Variants in ZNF560 observed in about 807,000 individuals in gnomAD.
ZNF560 encodes zinc finger protein 560.
Under a neutral mutation model 81.8 loss-of-function variants are expected in ZNF560, and 54 were observed. The observed-to-expected ratio is 0.66, with a 90% CI of 0.53 to 0.83. The LOEUF (loss-of-function observed/expected upper bound fraction) is 0.83, where lower values mean the gene tolerates loss of function less well. ZNF560 is among the 40% of genes least tolerant of loss of function. The pLI is 0.00. For synonymous variants in ZNF560, 321 were observed against 317.9 expected, an observed-to-expected ratio of 1.01 and a Z score of -0.10; for missense variants, 940 against 932.4, an observed-to-expected ratio of 1.01 and a Z score of -0.11.
intron 2 of ZNF560, among the ~76,000 whole-genome samples, chr19:9,477,554 G>A (rs1346418951): frequency 6.6e-6 from 1 of 152,190 alleles, no homozygotes; most frequent in Non-Finnish European, 1.5e-5. Flanking sequence ...AGGGTTCCAA[G>A]TAGAACACTG....
intron 2 of ZNF560, among the ~76,000 whole-genome samples, chr19:9,483,522 C>T (rs1326622090): frequency 2.7e-5 from 4 of 149,554 alleles, no homozygotes; most frequent in Non-Finnish European, 4.5e-5. Flanking sequence ...GCCGCCCCGT[C>T]CGGGAGGGGG....
chr19:9,448,541 C>T, the ZNF560 span, among the ~76,000 whole-genome samples: 11 of 151,604 alleles, frequency 7.3e-5, no homozygotes, highest in Admixed American at 1.3e-4. Context: ...GGCCCCTTAA[C>T]GGAGTTCTAA....
At chr19:9,459,773 C>G in the ZNF560 span, among the ~76,000 whole-genome samples, 1 of 152,070 alleles carries the variant, frequency 6.6e-6, no homozygotes, top group African/African-American at 2.4e-5. Flanking sequence ...AGAATAGGTT[C>G]TTCTAACTCA....
chr19:9,492,245 C>T (rs921108520), intron 2 of ZNF560, among the ~76,000 whole-genome samples: 2 of 152,084 alleles, frequency 1.3e-5, no homozygotes, highest in African/African-American at 4.8e-5. Flanking sequence ...GCATTAATTT[C>T]TAGAGTAACC....
downstream of ZNF560, among the ~76,000 whole-genome samples, chr19:9,464,387 T>C (rs2144678923): frequency 6.6e-6 from 1 of 152,346 alleles, no homozygotes; most frequent in Non-Finnish European, 1.5e-5. Context: ...CCACCACCTC[T>C]CTGCACTGCC....
chr19:9,453,483 G>T, the ZNF560 span, among the ~76,000 whole-genome samples: 1 of 152,162 alleles, frequency 6.6e-6, no homozygotes, highest in Non-Finnish European at 1.5e-5. Context: ...TATCAGGAAT[G>T]AAAAGGGGTA....
the ZNF560 span, among the ~76,000 whole-genome samples, chr19:9,446,311 G>A: frequency 6.7e-6 from 1 of 150,320 alleles, no homozygotes; most frequent in Non-Finnish European, 1.5e-5. Context: ...GGACAGACAG[G>A]ATAACTGCAT....
At chr19:9,468,388 G>T (rs2073068355) in intron 9 of ZNF560, 54 bp from the exon 10 acceptor site, 1 of 1,277,936 alleles carries the variant, frequency 7.8e-7, no homozygotes, top group Admixed American at 2.4e-5. Context: ...CTTATTAATA[G>T]ATACCACTCT....
At chr19:9,495,032 TG>T (rs1369946916) in intron 2 of ZNF560, among the ~76,000 whole-genome samples, 1 of 152,202 alleles carries the variant, frequency 6.6e-6, no homozygotes, top group African/African-American at 2.4e-5. Context: ...AAATGAATTT[TG>T]CCTATTGACT....
At chr19:9,450,164 G>A in the ZNF560 span, among the ~76,000 whole-genome samples, 8 of 150,724 alleles carry the variant, frequency 5.3e-5, no homozygotes, top group South Asian at 2.1e-4. Flanking sequence ...AGTGGCAGGC[G>A]CCTGTAATCT....
intron 3 of ZNF560, among the ~76,000 whole-genome samples, chr19:9,474,673 T>C (rs1304469294): frequency 1.3e-5 from 2 of 152,078 alleles, no homozygotes; most frequent in African/African-American, 2.4e-5. Flanking sequence ...GCCTTTTTTT[T>C]TGGGAAGCAG....
upstream of ZNF560, among the ~76,000 whole-genome samples, chr19:9,502,273 G>A (rs149735980): frequency 7.2e-3 from 1,093 of 152,144 alleles, 11 homozygotes; most frequent in African/African-American, 0.025. Flanking sequence ...GTGTAGTGGC[G>A]CAATGTCGGC....
Position 9,475,388 on chromosome 19 carries a change from A to G in ZNF560, c.-56-19T>C, listed in dbSNP as rs115038722. The G allele has an allele frequency of 4.0e-4, 582 of 1,446,122 alleles. 4 individuals carry two copies. In the African/African-American group the frequency reaches 7.3e-3, roughly 18 times the overall value. 89.6% of individuals were successfully genotyped at this position (1,446,122 alleles called of 1,614,324 possible). The stretch of plus-strand genomic sequence containing the variant: ...GAAAGACCTGGAAAAGAAAGAAGGC[A>G]TAAGAGCCCAGACATAATCACAGTT... On this transcript the variant is annotated intron_variant, in intron 2 of 9. Transcript: ENST00000301480.
Position 9,483,016 on chromosome 19 carries a change from C to T in ZNF560, c.-56-7647G>A, listed in dbSNP as rs564653176. On this transcript the variant is annotated intron_variant, in intron 2 of 9. Coordinates refer to ENST00000301480, the MANE Select transcript of ZNF560 (RefSeq NM_152476.3). ...GTGGCGTGATCTTGGCTCGCTACAACCTCCACCTCCCAGCCGCCTGCCTTG... is the reference window on the plus strand; with the variant it reads ...GTGGCGTGATCTTGGCTCGCTACAATCTCCACCTCCCAGCCGCCTGCCTTG... 2.1e-3 allele frequency among the ~76,000 whole-genome samples: 318 copies of T among 152,266 alleles called. 1 individual carries two copies. The highest frequency in any genetic ancestry group is 7.3e-3 in the African/African-American group (303 of 41,544).
the ZNF560 span, among the ~76,000 whole-genome samples, chr19:9,447,944 C>T: frequency 2.8e-3 from 429 of 152,244 alleles, 4 homozygotes; most frequent in East Asian, 0.014. Flanking sequence ...GAGAAAAAAG[C>T]TTAAAGGCAG....
chr19:9,468,480 A>C lies in ZNF560; in HGVS notation c.613-146T>G, dbSNP rs547730935. The C allele has an allele frequency of 1.5e-5, 9 of 601,056 alleles. No individual in the cohort carries two copies. The South Asian group carries it at 2.3e-4, about 16-fold the overall frequency. 37.2% of individuals were successfully genotyped at this position (601,056 alleles called of 1,614,324 possible). On this transcript the variant is annotated intron_variant, in intron 9 of 9. Coordinates refer to ENST00000301480, the MANE Select transcript of ZNF560 (RefSeq NM_152476.3). ...TACCTTTTGGATTTCCTTCAACTTG[A>C]ATAATGGAACCCTACTGTAAGAATC...
intron 2 of ZNF560, among the ~76,000 whole-genome samples, chr19:9,495,765 T>C (rs2073548203): frequency 6.6e-6 from 1 of 152,154 alleles, no homozygotes; most frequent in South Asian, 2.1e-4. Context: ...CTTCTGAAAA[T>C]ATATTTGAGT....
chr19:9,474,342 A>C lies in ZNF560; in HGVS notation c.31-17T>G. ...CACGGAGTACTAAACCATCACATAC[A>C]TGTTGATTTGAGCCAAGTAACAGAT... is the stretch of plus-strand genomic sequence containing the variant. On this transcript the variant is annotated splice_polypyrimidine_tract_variant and intron_variant, in intron 3 of 9. Coordinates refer to ENST00000301480, the MANE Select transcript of ZNF560 (RefSeq NM_152476.3). 6.3e-7 allele frequency: 1 copy of C among 1,598,738 alleles called. No individual in the cohort carries two copies. Among genetic ancestry groups the C allele is most frequent in the Non-Finnish European group, 8.5e-7 (1 of 1,171,480 alleles).
At chr19:9,459,729 G>T in the ZNF560 span, among the ~76,000 whole-genome samples, 1 of 152,130 alleles carries the variant, frequency 6.6e-6, no homozygotes, top group South Asian at 2.1e-4. Context: ...TAGCTGTGAT[G>T]GTTTAGCATA....
Sources: allele counts gnomAD v4.1 joint callset (sites outside exome capture counted in the v4.1 genomes callset), GRCh38; gene constraint gnomAD v4.1.1; transcripts MANE v1.5; gene names NCBI Gene and HGNC (gene_info 2026-07-23, HGNC 2026-07-21).